Variants in CAST observed in about 807,000 individuals in gnomAD.
CAST encodes the protein calpastatin, also known as MIR583 host.
CAST carries 76 observed loss-of-function variants against 119.6 expected under a neutral mutation model. The observed-to-expected ratio is 0.64, with a 90% confidence interval of 0.53 to 0.77. The LOEUF (loss-of-function observed/expected upper bound fraction) is 0.77, where lower values mean the gene tolerates loss of function less well. CAST is among the 30% of genes least tolerant of loss of function. CAST has a pLI of 0.00. For synonymous variants in CAST, 319 were observed against 331.6 expected, an observed-to-expected ratio of 0.96 and a Z score of 0.41; for missense variants, 953 against 946.5, an observed-to-expected ratio of 1.01 and a Z score of -0.09.
the CAST span, among the ~76,000 whole-genome samples, chr5:96,481,641 C>A: frequency 1.3e-5 from 2 of 152,150 alleles, no homozygotes; most frequent in Non-Finnish European, 2.9e-5. Flanking sequence ...ATGAGAAAAT[C>A]TGTATAAGAC....
At position 96,555,950 on chromosome 5, in the gene CAST, A is replaced by T. The variant is rs554625885; in HGVS notation, c.60+26070A>T. Among the ~76,000 whole-genome samples, 37 of 152,316 alleles carry T rather than the reference A, an allele frequency of 2.4e-4. No individual in the cohort carries two copies. The South Asian group carries it at 7.7e-3, about 32-fold the overall frequency. On this transcript the variant is annotated intron_variant, in intron 1 of 11. Coordinates refer to the CAST transcript ENST00000505143. ...TCCTCAAGTGAGTAGCCTAACTGGGAGGCACCCCCCAGTAGGGGCAGACTG... is the reference window on the plus strand; with the variant it reads ...TCCTCAAGTGAGTAGCCTAACTGGGTGGCACCCCCCAGTAGGGGCAGACTG...
chr5:96,341,035 A>G, the CAST span, among the ~76,000 whole-genome samples: 3 of 152,230 alleles, frequency 2.0e-5, no homozygotes, highest in Non-Finnish European at 4.4e-5. Flanking sequence ...GAAATAGTTC[A>G]GTAGAGAAAT....
chr5:96,202,849 T>A, the CAST span, among the ~76,000 whole-genome samples: 1 of 152,140 alleles, frequency 6.6e-6, no homozygotes, highest in Admixed American at 6.6e-5. Flanking sequence ...ATTTGTTGAA[T>A]GAATGAGTGC....
chr5:96,658,070 G>C (rs192443657), upstream of CAST, among the ~76,000 whole-genome samples: 204 of 152,080 alleles, frequency 1.3e-3, no homozygotes, highest in African/African-American at 4.8e-3. Context: ...CTGCACTCCA[G>C]CCTGGACAAC....
chr5:96,476,205 G>C, the CAST span, among the ~76,000 whole-genome samples: 2 of 152,148 alleles, frequency 1.3e-5, no homozygotes, highest in Non-Finnish European at 1.5e-5. Context: ...AGAAGCTGTT[G>C]TTTTAGTGCA....
At chr5:96,518,046 C>T in the CAST span, among the ~76,000 whole-genome samples, 17 of 152,138 alleles carry the variant, frequency 1.1e-4, no homozygotes, top group African/African-American at 4.1e-4. Flanking sequence ...ATGGTGAAGC[C>T]AGGATTCAAA....
chr5:96,291,987 A>G, the CAST span, among the ~76,000 whole-genome samples: 1 of 151,984 alleles, frequency 6.6e-6, no homozygotes, highest in Non-Finnish European at 1.5e-5. Flanking sequence ...GTTCTTAGGC[A>G]TTTGAAAGCC....
At chr5:96,384,856 TATA>T in the CAST span, among the ~76,000 whole-genome samples, 1 of 152,262 alleles carries the variant, frequency 6.6e-6, no homozygotes, top group South Asian at 2.1e-4. Context: ...CGCTAGTATA[TATA>T]AAAGGCTATT....
intron 9 of CAST, among the ~76,000 whole-genome samples, chr5:96,733,053 AT>A (rs1760889583): frequency 6.6e-6 from 1 of 152,172 alleles, no homozygotes; most frequent in Admixed American, 6.5e-5. Context: ...CTGAAACATC[AT>A]TTTTTTCCTT....
At chr5:96,696,872 T>C (rs1753360685) in intron 3 of CAST, among the ~76,000 whole-genome samples, 2 of 149,614 alleles carry the variant, frequency 1.3e-5, no homozygotes, top group Non-Finnish European at 3.0e-5. Context: ...AAAAAGAAAG[T>C]CTAATTTTAT....
the CAST span, among the ~76,000 whole-genome samples, chr5:95,990,229 T>C: frequency 2.2e-4 from 33 of 152,060 alleles, no homozygotes; most frequent in Admixed American, 8.5e-4. Context: ...GACCAAAATA[T>C]AGTATCATGT....
upstream of CAST, among the ~76,000 whole-genome samples, chr5:96,526,172 C>T (rs1745595034): frequency 6.6e-6 from 1 of 152,116 alleles, no homozygotes; most frequent in Non-Finnish European, 1.5e-5. Flanking sequence ...GACAAAGTAA[C>T]AGGAGAAAAA....
At chr5:96,580,616 C>T (rs1216763890) in intron 1 of CAST, among the ~76,000 whole-genome samples, 1 of 152,144 alleles carries the variant, frequency 6.6e-6, no homozygotes, top group Non-Finnish European at 1.5e-5. Context: ...TAATAAGCTT[C>T]GGGCGATGTT....
the CAST span, among the ~76,000 whole-genome samples, chr5:96,181,029 T>G: frequency 0.11 from 17,049 of 152,238 alleles, 1,187 homozygotes; most frequent in East Asian, 0.21. Context: ...AGTACTTTTC[T>G]TTTCCTTTTT....
At chr5:95,990,197 G>A in the CAST span, among the ~76,000 whole-genome samples, 1 of 151,930 alleles carries the variant, frequency 6.6e-6, no homozygotes, top group African/African-American at 2.4e-5. Context: ...CCTAGAAATG[G>A]AGTCTGGAAC....
chr5:96,435,751 C>T, the CAST span, among the ~76,000 whole-genome samples: 1 of 152,304 alleles, frequency 6.6e-6, no homozygotes, highest in Non-Finnish European at 1.5e-5. Flanking sequence ...ATGATGCTCA[C>T]AACTGCCCAG....
intron 2 of CAST, among the ~76,000 whole-genome samples, chr5:96,678,330 A>C (rs1750942342): frequency 6.6e-6 from 1 of 152,200 alleles, no homozygotes; most frequent in Non-Finnish European, 1.5e-5. Flanking sequence ...ATGCAAATAT[A>C]CTGGTTAGCC....
chr5:96,231,280 G>A, the CAST span, among the ~76,000 whole-genome samples: 2 of 152,132 alleles, frequency 1.3e-5, no homozygotes. Flanking sequence ...TATGTCCATA[G>A]AATAGAATGG....
At chr5:96,142,632 TTTC>T in the CAST span, among the ~76,000 whole-genome samples, 2 of 152,198 alleles carry the variant, frequency 1.3e-5, no homozygotes, top group Non-Finnish European at 2.9e-5. Context: ...TTGAATATAT[TTTC>T]TTCTTCTTCA....
Sources: gnomAD v4.1 joint callset for allele counts (sites outside exome capture counted in the v4.1 genomes callset) on GRCh38, gnomAD v4.1.1 for gene constraint, MANE v1.5 for transcripts, NCBI Gene and HGNC (gene_info 2026-07-23, HGNC 2026-07-21) for gene names.